CHST3: variants seen among roughly 807,000 people sequenced by gnomAD.
CHST3 encodes the protein carbohydrate sulfotransferase 3.
In CHST3, 20 loss-of-function variants were observed where a neutral mutation model predicts 35.4. The observed-to-expected ratio is 0.57, with a 90% CI of 0.40 to 0.82. The LOEUF is 0.82. CHST3 is among the 40% of genes least tolerant of loss of function. The probability of loss-of-function intolerance (pLI) is 0.00; values close to 1 mark genes in which losing one functional copy is unlikely to be tolerated. For synonymous variants in CHST3, 334 were observed against 295.9 expected, an observed-to-expected ratio of 1.13 and a Z score of -1.32; for missense variants, 693 against 670.1, an observed-to-expected ratio of 1.03 and a Z score of -0.38.
chr10:72,002,283 A>G (rs1486936385), intron 1 of CHST3, among the ~76,000 whole-genome samples: 1 of 152,212 alleles, frequency 6.6e-6, no homozygotes, highest in Admixed American at 6.5e-5. Flanking sequence ...GGAGGCTGGA[A>G]CAGCAACTTA....
At chr10:71,983,396 GC>G (rs55803441) in intron 1 of CHST3, among the ~76,000 whole-genome samples, 152,328 of 152,328 alleles carry the variant, frequency 1, 76,164 homozygotes, top group Non-Finnish European at 1. Context: ...GCCAGCAGTG[GC>G]CCTGGTGCCT....
intron 1 of CHST3, among the ~76,000 whole-genome samples, chr10:71,971,891 A>T (rs919804179): frequency 6.6e-6 from 1 of 152,148 alleles, no homozygotes; most frequent in Non-Finnish European, 1.5e-5. Flanking sequence ...AAGCAGTGTC[A>T]CCCACCAGAG....
At chr10:71,965,643 C>T (rs1046222539) in intron 1 of CHST3, among the ~76,000 whole-genome samples, 1 of 152,144 alleles carries the variant, frequency 6.6e-6, no homozygotes, top group Non-Finnish European at 1.5e-5. Flanking sequence ...CCAGGATGTA[C>T]GGGGGATTGT....
intron 1 of CHST3, among the ~76,000 whole-genome samples, chr10:71,985,241 T>C (rs4746105): frequency 0.35 from 53,517 of 152,200 alleles, 11,092 homozygotes; most frequent in Non-Finnish European, 0.48. Context: ...GCAGCACTGC[T>C]TGGGCACCAA....
At chr10:71,998,940 C>A (rs1485844342) in intron 1 of CHST3, among the ~76,000 whole-genome samples, 1 of 152,156 alleles carries the variant, frequency 6.6e-6, no homozygotes, top group Non-Finnish European at 1.5e-5. Context: ...TGCAGCCAGG[C>A]ATTCATTCAC....
intron 1 of CHST3, among the ~76,000 whole-genome samples, chr10:71,985,164 G>A (rs140849731): frequency 1.3e-5 from 2 of 152,266 alleles, no homozygotes; most frequent in African/African-American, 4.8e-5. Context: ...AGTCTCCTTC[G>A]CCCCAAGGCC....
chr10:71,988,365 T>C (rs1447206520), intron 1 of CHST3, among the ~76,000 whole-genome samples: 1 of 152,160 alleles, frequency 6.6e-6, no homozygotes, highest in African/African-American at 2.4e-5. Flanking sequence ...TCATGTTGAA[T>C]TGTAATCCCC....
intron 1 of CHST3, among the ~76,000 whole-genome samples, chr10:72,003,246 C>T (rs1840009709): frequency 6.6e-6 from 1 of 152,180 alleles, no homozygotes; most frequent in African/African-American, 2.4e-5. Flanking sequence ...GAGTGCAAGC[C>T]CCGGGAGGGC....
At chr10:71,981,992 A>T (rs531950137) in intron 1 of CHST3, among the ~76,000 whole-genome samples, 2 of 152,198 alleles carry the variant, frequency 1.3e-5, no homozygotes, top group African/African-American at 4.8e-5. Context: ...ATGCTGTGCT[A>T]AGCATTTAAC....
intron 1 of CHST3, among the ~76,000 whole-genome samples, chr10:71,967,642 C>A (rs1429146798): frequency 1.3e-5 from 2 of 152,146 alleles, no homozygotes; most frequent in Non-Finnish European, 2.9e-5. Flanking sequence ...CATACGTGTG[C>A]ATGTATCTTT....
chr10:72,005,203 G>C (rs926263457), intron 1 of CHST3, among the ~76,000 whole-genome samples: 1 of 152,168 alleles, frequency 6.6e-6, no homozygotes, highest in Non-Finnish European at 1.5e-5. Context: ...TCACAGGACA[G>C]TCCCCACTTA....
At chr10:71,989,643 ACTTTCT>A (rs1462899682) in intron 1 of CHST3, among the ~76,000 whole-genome samples, 3 of 151,832 alleles carry the variant, frequency 2.0e-5, no homozygotes, top group Non-Finnish European at 4.4e-5. Context: ...TATTTTTATA[ACTTTCT>A]CTTATATTGA....
chr10:71,969,581 G>A (rs1275334767), intron 1 of CHST3, among the ~76,000 whole-genome samples: 4 of 152,246 alleles, frequency 2.6e-5, no homozygotes, highest in Non-Finnish European at 5.9e-5. Flanking sequence ...GCCCACCTGG[G>A]TGAGTTCTTA....
chr10:71,993,043 C>T (rs1839912366), intron 1 of CHST3, among the ~76,000 whole-genome samples: 2 of 152,200 alleles, frequency 1.3e-5, no homozygotes, highest in South Asian at 4.1e-4. Flanking sequence ...TGGCCCAACA[C>T]AAATTTGTAA....
At chr10:71,996,413 G>C (rs1430891622) in intron 1 of CHST3, among the ~76,000 whole-genome samples, 1 of 134,896 alleles carries the variant, frequency 7.4e-6, no homozygotes, top group Non-Finnish European at 1.5e-5. Flanking sequence ...CCCTCTCTCT[G>C]TCTCTCTACC....
chr10:72,006,691 G>A (rs144980712), intron 2 of CHST3, among the ~76,000 whole-genome samples: 61 of 152,362 alleles, frequency 4.0e-4, no homozygotes, highest in African/African-American at 1.5e-3. Context: ...AGCCCTGCAA[G>A]AAAGCATTAG....
At chr10:71,971,023 G>T (rs1162793732) in intron 1 of CHST3, among the ~76,000 whole-genome samples, 1 of 152,188 alleles carries the variant, frequency 6.6e-6, no homozygotes, top group Non-Finnish European at 1.5e-5. Context: ...AAGTCTGTGG[G>T]ATAGGAAGCA....
At position 72,009,257 on chromosome 10, in the gene CHST3, G is replaced by A. The variant is rs906037991; in HGVS notation, c.*786G>A. Reference sequence around the variant, plus strand: ...TGCTTAACATTTGTAGGATTATTTCGAGGGCAGGGCAGGGGAAAGAAACGC... The same window carrying A: ...TGCTTAACATTTGTAGGATTATTTCAAGGGCAGGGCAGGGGAAAGAAACGC... On this transcript the variant is annotated 3_prime_UTR_variant, in exon 3 of 3. Coordinates refer to ENST00000373115, the MANE Select transcript of CHST3 (RefSeq NM_004273.5). The A allele has an allele frequency of 6.6e-6, 1 of 152,166 alleles. No homozygotes were observed. The highest frequency in any genetic ancestry group is 3.2e-3 in the Middle Eastern group (1 of 316). The allele number at this position is 152,166 out of a possible 1,614,324, so 9.4% of individuals were successfully genotyped here. A position where few individuals can be genotyped will look rare whatever the true frequency, so the allele number is the denominator to read the frequency against.
At position 71,964,534 on chromosome 10, in the gene CHST3, C is replaced by G. The variant is rs1053518527; in HGVS notation, c.-268C>G. 1 of 152,096 alleles carries G rather than the reference C, an allele frequency of 6.6e-6. No homozygotes were observed. The highest frequency in any genetic ancestry group is 2.4e-5 in the African/African-American group (1 of 41,422). 9.4% of individuals were successfully genotyped at this position (152,096 alleles called of 1,614,324 possible). A position where few individuals can be genotyped will look rare whatever the true frequency, so the allele number is the denominator to read the frequency against. The stretch of plus-strand genomic sequence containing the variant: ...GCAGCGCCTCCATCCCTCCGGCCCG[C>G]CCCGGAGAAGACGCACAGCTCGGGC... On this transcript the variant is annotated 5_prime_UTR_variant, in exon 1 of 3. Coordinates refer to ENST00000373115, the MANE Select transcript of CHST3 (RefSeq NM_004273.5).
Sources: allele counts gnomAD v4.1 joint callset (sites outside exome capture counted in the v4.1 genomes callset), GRCh38; gene constraint gnomAD v4.1.1; transcripts MANE v1.5; gene names NCBI Gene and HGNC (gene_info 2026-07-23, HGNC 2026-07-21).